Variants in AHI1 observed in about 807,000 individuals in gnomAD.
AHI1 encodes the protein jouberin.
AHI1 carries 123 observed loss-of-function variants against 149.3 expected under a neutral mutation model. That is an observed-to-expected ratio of 0.82 (90% CI 0.71 to 0.96). The LOEUF is 0.96. AHI1 is among the 40% of genes least tolerant of loss of function. The pLI, the probability that AHI1 is intolerant of heterozygous loss-of-function variation, is 0.00. For synonymous variants in AHI1, 475 were observed against 459.8 expected (o/e 1.03, Z -0.42); for missense variants, 1,439 against 1,422.7 (o/e 1.01, Z -0.18).
At chr6:135,388,675 A>G (rs1320834463) in intron 23 of AHI1, among the ~76,000 whole-genome samples, 1 of 152,192 alleles carries the variant, frequency 6.6e-6, no homozygotes, top group Non-Finnish European at 1.5e-5. Flanking sequence ...GGTCAAGGGA[A>G]TGTAAGTATA....
chr6:135,482,566 C>T (rs1019046009), intron 5 of AHI1, among the ~76,000 whole-genome samples: 1 of 151,850 alleles, frequency 6.6e-6, no homozygotes, highest in African/African-American at 2.4e-5. Flanking sequence ...TAATTGCATA[C>T]AGTCAATTTA....
chr6:135,377,462 GTTAT>G (rs57058733), intron 23 of AHI1, among the ~76,000 whole-genome samples: 5,055 of 148,450 alleles, frequency 0.034, 268 homozygotes, highest in African/African-American at 0.11. Context: ...CTGGCTTTGA[GTTAT>G]TTATTTATTT....
chr6:135,301,914 C>A, intron 26 of AHI1: 3 of 985,382 alleles, frequency 3.0e-6, no homozygotes, highest in Non-Finnish European at 3.6e-6. Flanking sequence ...ACCATCATAA[C>A]AGAAATTATC....
intron 5 of AHI1, among the ~76,000 whole-genome samples, chr6:135,475,055 G>T (rs1213117967): frequency 6.6e-6 from 1 of 152,066 alleles, no homozygotes; most frequent in East Asian, 1.9e-4. Flanking sequence ...TTTGACAAAA[G>T]ATTTTTAACT....
At chr6:135,293,901 TA>T (rs1284754706) in intron 27 of AHI1, among the ~76,000 whole-genome samples, 2 of 152,200 alleles carry the variant, frequency 1.3e-5, no homozygotes, top group African/African-American at 4.8e-5. Flanking sequence ...GAAAGAACCC[TA>T]AATATTAAAT....
At chr6:135,492,899 GGTGT>G (rs1269298106) in intron 3 of AHI1, 9 of 983,466 alleles carry the variant, frequency 9.2e-6, no homozygotes, top group Non-Finnish European at 1.1e-5. Flanking sequence ...TAAAAAAATC[GGTGT>G]ATGTCTAAAA....
At position 135,455,911 on chromosome 6, in the gene AHI1, T is replaced by C. The variant is rs1188089329; in HGVS notation, c.1167A>G (p.Ser389=). The part of the protein sequence containing the change: ...VKKDDSGRPV[S]SYYEKENVDY... ...CCACATTCTCTTTTTCATAGTAAGA[T>C]GAAACAGGCCGTCCACTGTACAAAA... The change falls in exon 10 of 29, where the codon TCA becomes TCG. Residue 389 remains serine, a synonymous_variant. Transcript: ENST00000265602. 2 of 1,499,456 alleles carry C rather than the reference T, an allele frequency of 1.3e-6. No individual in the cohort carries two copies. The highest frequency in any genetic ancestry group is 1.8e-6 in the Non-Finnish European group (2 of 1,114,556). 92.9% of individuals were successfully genotyped at this position (1,499,456 alleles called of 1,614,324 possible).
At chr6:135,463,828 T>G (rs754344372) in intron 7 of AHI1, among the ~76,000 whole-genome samples, 1 of 152,166 alleles carries the variant, frequency 6.6e-6, no homozygotes, top group Non-Finnish European at 1.5e-5. Flanking sequence ...CATAGCTCAC[T>G]GCTGCCTCAA....
intron 8 of AHI1, among the ~76,000 whole-genome samples, chr6:135,461,711 T>G (rs1249161784): frequency 6.6e-6 from 1 of 152,014 alleles, no homozygotes; most frequent in African/African-American, 2.4e-5. Context: ...CTGTGGTATA[T>G]TCACACAATG....
At chr6:135,333,065 G>C (rs143699927) in intron 24 of AHI1, among the ~76,000 whole-genome samples, 4 of 152,070 alleles carry the variant, frequency 2.6e-5, no homozygotes, top group African/African-American at 4.8e-5. Context: ...CTTTTCTTAC[G>C]AAGTTTTGCT....
At chr6:135,482,844 T>C (rs1478401607) in intron 5 of AHI1, among the ~76,000 whole-genome samples, 2 of 149,764 alleles carry the variant, frequency 1.3e-5, no homozygotes, top group Non-Finnish European at 3.0e-5. Context: ...CTGCTGGGCT[T>C]TGCTCTGGGA....
chr6:135,337,770 G>GAA lies in AHI1; in HGVS notation c.3166-14448_3166-14447dup, dbSNP rs59397034. On this transcript the variant is annotated intron_variant, in intron 24 of 28. Coordinates refer to ENST00000265602, the MANE Select transcript of AHI1 (RefSeq NM_001134831.2). ...ACAGAGTGAGATTCTGTCTCAAAAA[G>GAA]AAAAAAAAAAAAAAAAGGCTGTGAA... Among the ~76,000 whole-genome samples the GAA allele has an allele frequency of 2.7e-3, 321 of 121,006 alleles. 6 individuals are homozygous for GAA. Among genetic ancestry groups the GAA allele is most frequent in the African/African-American group, 5.7e-3 (192 of 33,716 alleles). The allele number at this position is 121,006 out of a possible 152,430, so 79.4% of individuals were successfully genotyped here.
chr6:135,314,266 T>G (rs372410771), intron 26 of AHI1, among the ~76,000 whole-genome samples: 10 of 152,304 alleles, frequency 6.6e-5, no homozygotes, highest in African/African-American at 2.4e-4. Context: ...GCTTTTATAA[T>G]GAGAGACACA....
intron 5 of AHI1, 105 bp downstream of exon 5, chr6:135,490,516 ACT>A (rs1795105113): frequency 7.8e-7 from 1 of 1,287,180 alleles, no homozygotes; most frequent in Non-Finnish European, 1.1e-6. Context: ...ACATAGTGTT[ACT>A]GTTTTTAATT....
intron 20 of AHI1, among the ~76,000 whole-genome samples, chr6:135,417,135 T>G (rs532334240): frequency 1.3e-3 from 200 of 152,192 alleles, no homozygotes; most frequent in African/African-American, 4.7e-3. Flanking sequence ...AATAAATAAA[T>G]AAACAAATGC....
intron 28 of AHI1, among the ~76,000 whole-genome samples, chr6:135,287,667 C>T (rs915326532): frequency 9.2e-5 from 14 of 152,158 alleles, no homozygotes; most frequent in Non-Finnish European, 8.8e-5. Flanking sequence ...AAGAAAGTAA[C>T]GAAGCAAAGC....
intron 5 of AHI1, among the ~76,000 whole-genome samples, chr6:135,471,180 AT>A (rs1791632556): frequency 6.6e-6 from 1 of 152,214 alleles, no homozygotes; most frequent in South Asian, 2.1e-4. Context: ...CAAGGAAAAA[AT>A]TTTAAAATTG....
At chr6:135,301,919 A>G in intron 26 of AHI1, 2 of 985,390 alleles carry the variant, frequency 2.0e-6, no homozygotes, top group Non-Finnish European at 2.4e-6. Context: ...CATAACAGAA[A>G]TTATCCTGTT....
chr6:135,300,510 AT>A lies in AHI1; in HGVS notation c.3474del (p.Glu1158AspfsTer3), dbSNP rs916567564. 3.7e-6 allele frequency: 6 copies of A among 1,608,308 alleles called. No homozygotes were observed. The highest frequency in any genetic ancestry group is 1.6e-4 in the Middle Eastern group (1 of 6,076). The part of the protein sequence containing the change: ...NKSQDFRLGS[E>X]SMTHSEMRKE... ...GAAGAAGTTGCTTACTGTGTCATAG[AT>A]TCTGAGCCTAGTCTGAAGTCCTGGG... On this transcript the variant is annotated frameshift_variant, in exon 27 of 29. Coordinates refer to ENST00000265602, the MANE Select transcript of AHI1 (RefSeq NM_001134831.2). LOFTEE classifies it high-confidence loss of function.
Sources: gnomAD v4.1 joint callset for allele counts (sites outside exome capture counted in the v4.1 genomes callset) on GRCh38, gnomAD v4.1.1 for gene constraint, MANE v1.5 for transcripts, NCBI Gene and HGNC (gene_info 2026-07-23, HGNC 2026-07-21) for gene names.